The following SPAG16 variants were observed in gnomAD, a reference collection of about 807,000 sequenced individuals.
SPAG16 encodes the protein sperm-associated antigen 16 protein.
In SPAG16, 86 loss-of-function variants were observed where a neutral mutation model predicts 80.4. The observed-to-expected ratio is 1.07, with a 90% CI of 0.90 to 1.28. The LOEUF is 1.28. SPAG16 is among the 50% of genes most tolerant of loss of function. SPAG16 has a pLI of 0.00. For synonymous variants in SPAG16, 294 were observed against 265.9 expected, an observed-to-expected ratio of 1.11 and a Z score of -1.03; for missense variants, 870 against 765.3, an observed-to-expected ratio of 1.14 and a Z score of -1.61.
At chr2:213,858,161 T>A (rs913308123) in intron 10 of SPAG16, among the ~76,000 whole-genome samples, 3 of 152,202 alleles carry the variant, frequency 2.0e-5, no homozygotes, top group African/African-American at 7.2e-5. Flanking sequence ...ATAAACATAT[T>A]TGATAAAGAT....
At chr2:213,592,381 A>G (rs1054668829) in intron 10 of SPAG16, among the ~76,000 whole-genome samples, 2 of 152,236 alleles carry the variant, frequency 1.3e-5, no homozygotes, top group African/African-American at 4.8e-5. Context: ...AAAATTAAAT[A>G]AAGGGTTTGT....
At chr2:213,635,067 G>A (rs1030104950) in intron 10 of SPAG16, among the ~76,000 whole-genome samples, 20 of 147,554 alleles carry the variant, frequency 1.4e-4, no homozygotes, top group South Asian at 4.3e-4. Context: ...ACAGAGTCTC[G>A]CTTTGTTGCC....
rs548628585 is a variant in SPAG16 at position 213,765,867 on chromosome 2, A to C, written c.1071-96618A>C. ...TTTAGGAGATAGAACAAACTTAAGC[A>C]GCTATGTAGATAGGTTTAGGACAAT... On this transcript the variant is annotated intron_variant, in intron 10 of 15. Coordinates refer to ENST00000331683, the MANE Select transcript of SPAG16 (RefSeq NM_024532.5). Among the ~76,000 whole-genome samples the C allele has an allele frequency of 3.9e-5, 6 of 152,356 alleles. No homozygotes were observed. In the South Asian group the frequency reaches 1.2e-3, roughly 32 times the overall value.
At chr2:213,841,112 C>A (rs1442425765) in intron 10 of SPAG16, among the ~76,000 whole-genome samples, 1 of 151,856 alleles carries the variant, frequency 6.6e-6, no homozygotes, top group African/African-American at 2.4e-5. Context: ...TATTATAGTG[C>A]TTTTTTGGTT....
At chr2:213,301,920 C>T (rs554934128) in intron 3 of SPAG16, among the ~76,000 whole-genome samples, 2 of 152,214 alleles carry the variant, frequency 1.3e-5, no homozygotes, top group South Asian at 4.1e-4. Flanking sequence ...ATTTCCTCAT[C>T]GTCTGTAACG....
At chr2:213,454,761 G>A (rs763397966) in intron 9 of SPAG16, among the ~76,000 whole-genome samples, 1 of 152,118 alleles carries the variant, frequency 6.6e-6, no homozygotes, top group Non-Finnish European at 1.5e-5. Context: ...CTAACTAAGG[G>A]CTGAGCTCTT....
intron 10 of SPAG16, among the ~76,000 whole-genome samples, chr2:213,768,406 T>C (rs552974083): frequency 6.6e-6 from 1 of 152,308 alleles, no homozygotes; most frequent in East Asian, 1.9e-4. Flanking sequence ...GAAAAGTTAC[T>C]CTGAAAGCTC....
intron 10 of SPAG16, among the ~76,000 whole-genome samples, chr2:213,635,961 C>G (rs987092346): frequency 1.3e-5 from 2 of 152,056 alleles, no homozygotes; most frequent in African/African-American, 4.8e-5. Context: ...AATTAAGTAC[C>G]GTCTATTTGT....
intron 10 of SPAG16, among the ~76,000 whole-genome samples, chr2:213,763,022 G>A (rs2068743828): frequency 6.6e-6 from 1 of 152,166 alleles, no homozygotes; most frequent in Non-Finnish European, 1.5e-5. Flanking sequence ...TTCAACAGGT[G>A]TATGTAAAGG....
At chr2:214,376,956 G>A (rs189432369) in intron 15 of SPAG16, among the ~76,000 whole-genome samples, 114 of 152,232 alleles carry the variant, frequency 7.5e-4, no homozygotes, top group Admixed American at 2.8e-3. Context: ...ACACATGCAG[G>A]CACTTACAGA....
At chr2:213,907,862 C>G (rs13407602) in intron 11 of SPAG16, among the ~76,000 whole-genome samples, 88,973 of 151,976 alleles carry the variant, frequency 0.59, 27,849 homozygotes, top group South Asian at 0.84. Context: ...ATGGTTATTA[C>G]AGGCTGAGAA....
chr2:213,601,184 G>A (rs1207805705), intron 10 of SPAG16, among the ~76,000 whole-genome samples: 2 of 152,192 alleles, frequency 1.3e-5, no homozygotes, highest in Non-Finnish European at 2.9e-5. Context: ...CTTTCTTCCT[G>A]TCATATGAGT....
chr2:214,314,839 C>A (rs984623670), intron 15 of SPAG16, among the ~76,000 whole-genome samples: 2 of 151,912 alleles, frequency 1.3e-5, no homozygotes, highest in South Asian at 4.2e-4. Flanking sequence ...TTTAAAAACA[C>A]TACAAGAGTA....
chr2:214,378,054 G>C (rs1574450732), intron 15 of SPAG16, among the ~76,000 whole-genome samples: 1 of 152,122 alleles, frequency 6.6e-6, no homozygotes, highest in Admixed American at 6.6e-5. Flanking sequence ...GCAGGGGTAG[G>C]AGTGACACAG....
chr2:214,120,106 A>T (rs2054141897), intron 14 of SPAG16, among the ~76,000 whole-genome samples: 1 of 151,798 alleles, frequency 6.6e-6, no homozygotes, highest in Non-Finnish European at 1.5e-5. Flanking sequence ...CCATTATGTT[A>T]TTAAATATTG....
chr2:213,745,787 T>A (rs1448742749), intron 10 of SPAG16, among the ~76,000 whole-genome samples: 1 of 152,214 alleles, frequency 6.6e-6, no homozygotes, highest in Non-Finnish European at 1.5e-5. Flanking sequence ...GGTTTGATTT[T>A]GAAAAATCAC....
intron 12 of SPAG16, among the ~76,000 whole-genome samples, chr2:213,982,648 T>TGTGTGTGA (rs1322839554): frequency 1.3e-5 from 2 of 149,182 alleles, no homozygotes; most frequent in Non-Finnish European, 3.0e-5. Flanking sequence ...TGTGTGTGTG[T>TGTGTGTGA]GAAAGACAGA....
At chr2:213,298,498 T>TA (rs2062598844) in intron 3 of SPAG16, among the ~76,000 whole-genome samples, 2 of 152,330 alleles carry the variant, frequency 1.3e-5, no homozygotes, top group African/African-American at 4.8e-5. Flanking sequence ...CGGTATTTGG[T>TA]AAAGTACATG....
At chr2:213,848,232 A>G (rs944819141) in intron 10 of SPAG16, among the ~76,000 whole-genome samples, 10 of 152,020 alleles carry the variant, frequency 6.6e-5, no homozygotes, top group African/African-American at 2.4e-4. Context: ...CTCTTTTCCT[A>G]CCCACAGTGA....
Sources: allele counts gnomAD v4.1 joint callset (sites outside exome capture counted in the v4.1 genomes callset), GRCh38; gene constraint gnomAD v4.1.1; transcripts MANE v1.5; gene names NCBI Gene and HGNC (gene_info 2026-07-23, HGNC 2026-07-21).